PTPRK: variants seen among roughly 807,000 people sequenced by gnomAD.
The protein encoded by PTPRK is receptor-type tyrosine-protein phosphatase kappa.
PTPRK carries 75 observed loss-of-function variants against 178.0 expected under a neutral mutation model. The ratio of observed to expected loss-of-function variants is 0.42; its 90% CI spans 0.35 to 0.51. The LOEUF is 0.51. Ranked by LOEUF, PTPRK falls within the 20% of genes least tolerant of loss-of-function variation. The pLI, the probability that PTPRK is intolerant of heterozygous loss-of-function variation, is 0.02. For missense variants in PTPRK, 1,441 were observed against 1,797.8 expected (o/e 0.80, Z 3.59); for synonymous variants, 637 against 620.6 (o/e 1.03, Z -0.39).
intron 2 of PTPRK, among the ~76,000 whole-genome samples, chr6:128,360,049 C>G (rs934311183): frequency 6.6e-6 from 1 of 152,096 alleles, no homozygotes; most frequent in Non-Finnish European, 1.5e-5. Flanking sequence ...AACTAGTTAT[C>G]TTTATAGGCA....
At chr6:128,455,723 AATGGGAGGGTGAAG>A (rs1473546022) in intron 1 of PTPRK, among the ~76,000 whole-genome samples, 15 of 152,270 alleles carry the variant, frequency 9.9e-5, no homozygotes, top group African/African-American at 3.4e-4. Context: ...TGTAATATTT[AATGGGAGGGTGAAG>A]ATATACAGTC....
In PTPRK at chr6:128,009,266, C is replaced by G; in HGVS notation, c.2197G>C (p.Ala733Pro). ...ATCACTTCTGGTTCTTCTGTTGCTGCTGCTAAATGGATAAAAAAAAAAATC... is the reference window on the plus strand; with the variant it reads ...ATCACTTCTGGTTCTTCTGTTGCTGGTGCTAAATGGATAAAAAAAAAAATC... ...TQCVRIATKA[A>P]ATEEPEVIPD... Residue 733 changes from alanine (A) to proline (P), a missense_variant and splice_region_variant, in exon 14 of 30, where the codon GCA becomes CCA. Physicochemically the swap from Ala to Pro is conservative, Grantham distance 27. This residue lies in a region of PTPRK where 945 missense variants were observed against 1,080.6 expected (regional missense o/e 0.87). Transcript: ENST00000368226. 2 of 1,596,726 alleles carry G rather than the reference C, an allele frequency of 1.3e-6. No homozygotes were observed. Among genetic ancestry groups the G allele is most frequent in the Non-Finnish European group, 1.7e-6 (2 of 1,171,752 alleles).
At chr6:128,163,119 C>T (rs1041257595) in intron 7 of PTPRK, among the ~76,000 whole-genome samples, 6 of 151,022 alleles carry the variant, frequency 4.0e-5, no homozygotes, top group African/African-American at 7.3e-5. Flanking sequence ...TGAGATGTTT[C>T]GACTGGTTTT....
intron 13 of PTPRK, among the ~76,000 whole-genome samples, chr6:128,050,572 A>T (rs1216296393): frequency 6.6e-6 from 1 of 152,216 alleles, no homozygotes; most frequent in African/African-American, 2.4e-5. Flanking sequence ...ATGACTATTT[A>T]TTTTAAACAT....
At chr6:128,504,624 C>T (rs113184218) in intron 1 of PTPRK, among the ~76,000 whole-genome samples, 11 of 152,256 alleles carry the variant, frequency 7.2e-5, no homozygotes, top group African/African-American at 2.6e-4. Flanking sequence ...ATGTACCTTG[C>T]AAAATCTGAA....
intron 3 of PTPRK, among the ~76,000 whole-genome samples, chr6:128,309,849 AC>A (rs1826971056): frequency 6.6e-6 from 1 of 151,622 alleles, no homozygotes; most frequent in South Asian, 2.1e-4. Context: ...GTACCAGTTC[AC>A]TCCCTCCCAA....
At chr6:128,312,180 G>A (rs1827326920) in intron 3 of PTPRK, among the ~76,000 whole-genome samples, 1 of 152,168 alleles carries the variant, frequency 6.6e-6, no homozygotes, top group African/African-American at 2.4e-5. Context: ...CTGGGTACAG[G>A]GCAGGACCCT....
chr6:128,385,810 G>A (rs1449960253), intron 2 of PTPRK, among the ~76,000 whole-genome samples: 1 of 152,128 alleles, frequency 6.6e-6, no homozygotes, highest in African/African-American at 2.4e-5. Context: ...TGTCTTCAAG[G>A]ACCAGCCTCA....
intron 1 of PTPRK, among the ~76,000 whole-genome samples, chr6:128,433,754 C>G (rs1380017235): frequency 2.0e-5 from 3 of 151,332 alleles, no homozygotes; most frequent in Non-Finnish European, 4.4e-5. Flanking sequence ...TGAGCTCAAA[C>G]AATCCTCCTG....
At chr6:128,215,114 A>C (rs1809015500) in intron 6 of PTPRK, among the ~76,000 whole-genome samples, 1 of 151,822 alleles carries the variant, frequency 6.6e-6, no homozygotes, top group Non-Finnish European at 1.5e-5. Flanking sequence ...TTAAAATGTA[A>C]CTGTAGTTTC....
At chr6:128,366,717 G>A (rs1835542502) in intron 2 of PTPRK, among the ~76,000 whole-genome samples, 1 of 152,142 alleles carries the variant, frequency 6.6e-6, no homozygotes. Flanking sequence ...AACACACAAT[G>A]AGGATGTGGA....
intron 11 of PTPRK, among the ~76,000 whole-genome samples, chr6:128,075,946 C>T (rs967554752): frequency 6.6e-6 from 1 of 151,916 alleles, no homozygotes; most frequent in Non-Finnish European, 1.5e-5. Context: ...CTATGACAGC[C>T]AGCAAGCTAA....
At chr6:128,197,629 A>G (rs1215756490) in intron 6 of PTPRK, among the ~76,000 whole-genome samples, 2 of 152,102 alleles carry the variant, frequency 1.3e-5, no homozygotes, top group South Asian at 2.1e-4. Context: ...AAAGAGATCA[A>G]TGGTTAAGAC....
intron 2 of PTPRK, among the ~76,000 whole-genome samples, chr6:128,381,122 T>G (rs1032556734): frequency 3.9e-5 from 6 of 152,208 alleles, no homozygotes; most frequent in African/African-American, 1.4e-4. Flanking sequence ...TTCCTTGGCC[T>G]TATGACATTA....
intron 1 of PTPRK, among the ~76,000 whole-genome samples, chr6:128,488,790 T>C (rs1853342633): frequency 6.6e-6 from 1 of 152,158 alleles, no homozygotes. Context: ...TAAATTTAAA[T>C]GTCATTTAAT....
At chr6:128,213,598 A>T (rs578229770) in intron 6 of PTPRK, among the ~76,000 whole-genome samples, 8 of 152,162 alleles carry the variant, frequency 5.3e-5, no homozygotes, top group Non-Finnish European at 8.8e-5. Context: ...AAGAAAAAGG[A>T]TCTTTATATG....
At chr6:128,366,683 G>A (rs187233021) in intron 2 of PTPRK, among the ~76,000 whole-genome samples, 14 of 152,244 alleles carry the variant, frequency 9.2e-5, no homozygotes, top group African/African-American at 3.1e-4. Context: ...TGACAACAAT[G>A]CCTTACATAT....
At chr6:128,000,409 ACTCC>A (rs1055508245) in intron 15 of PTPRK, 1 of 949,798 alleles carries the variant, frequency 1.1e-6, no homozygotes, top group Non-Finnish European at 1.4e-6. Context: ...ATTTATCTTT[ACTCC>A]CTCTTATTAA....
intron 7 of PTPRK, among the ~76,000 whole-genome samples, chr6:128,174,635 G>A (rs1562726128): frequency 6.6e-6 from 1 of 151,896 alleles, no homozygotes; most frequent in South Asian, 2.1e-4. Context: ...TTTAGTACAT[G>A]CCCAAATAGC....
Sources: gnomAD v4.1 joint callset for allele counts (sites outside exome capture counted in the v4.1 genomes callset) on GRCh38, gnomAD v4.1.1 for gene constraint, gnomAD v4.1.1 regional missense constraint, MANE v1.5 for transcripts, NCBI Gene and HGNC (gene_info 2026-07-23, HGNC 2026-07-21) for gene names.